Variants in CYB5D2 observed in about 807,000 individuals in gnomAD.
CYB5D2 encodes cytochrome b5 domain containing 2.
In CYB5D2, 23 loss-of-function variants were observed where a neutral mutation model predicts 22.8. That is an observed-to-expected ratio of 1.01 (90% confidence interval 0.73 to 1.43). CYB5D2 has a LOEUF of 1.43. CYB5D2 is among the 40% of genes most tolerant of loss of function. The pLI is 0.00. For missense variants in CYB5D2, 373 were observed against 357.2 expected (o/e 1.04, Z -0.36); for synonymous variants, 170 against 152.2 (o/e 1.12, Z -0.86).
chr17:4,144,102 C>G lies in CYB5D2; in HGVS notation c.250+97C>G, dbSNP rs1212673843. The G allele has an allele frequency of 7.5e-6, 11 of 1,462,758 alleles. No individual in the cohort carries two copies. In the East Asian group the frequency reaches 9.2e-5, roughly 12 times the overall value. 90.6% of individuals were successfully genotyped at this position (1,462,758 alleles called of 1,614,324 possible). ...GTTCATTATTCATCTATTTCCCCCC[C>G]CATCCCCACCCCACATCCATCAAAC... On this transcript the variant is annotated intron_variant, in intron 1 of 3. Coordinates refer to ENST00000301391, the MANE Select transcript of CYB5D2 (RefSeq NM_144611.4).
Position 4,143,734 on chromosome 17 carries a change from C to T in CYB5D2, c.-22C>T, listed in dbSNP as rs1266483245. 7 of 1,588,820 alleles carry T rather than the reference C, an allele frequency of 4.4e-6. No homozygotes were observed. Among genetic ancestry groups the T allele is most frequent in the East Asian group, 2.3e-5 (1 of 44,320 alleles). On this transcript the variant is annotated 5_prime_UTR_variant, in exon 1 of 4. Transcript: ENST00000301391. ...GATAGAGGCGGCAACCTCGGAAGTG[C>T]GGAGCGGGTGGGCCTATATAGATGT...
rs144481974 is a variant in CYB5D2 at position 4,150,104 on chromosome 17, A to C, written c.391+73A>C. 1.5e-4 allele frequency: 231 copies of C among 1,558,260 alleles called. 1 individual carries two copies. In the African/African-American group the frequency reaches 2.8e-3, roughly 19 times the overall value. On this transcript the variant is annotated intron_variant, in intron 2 of 3. Coordinates refer to ENST00000301391, the MANE Select transcript of CYB5D2 (RefSeq NM_144611.4). ...TTTAGGGGGCTGAGATTTTTTAGGG[A>C]TTGGGTTCAAGCTTAAAATCTGAAA... is the stretch of plus-strand genomic sequence containing the variant.
intron 2 of CYB5D2, among the ~76,000 whole-genome samples, chr17:4,153,458 C>T (rs1358957334): frequency 6.6e-6 from 1 of 152,304 alleles, no homozygotes; most frequent in East Asian, 1.9e-4. Context: ...GGTTACAGGG[C>T]CTTAGAGGCC....
At chr17:4,152,081 G>A (rs548020723) in intron 2 of CYB5D2, among the ~76,000 whole-genome samples, 33 of 152,270 alleles carry the variant, frequency 2.2e-4, no homozygotes, top group South Asian at 2.1e-3. Context: ...CTAAGATTTG[G>A]GAGCACACTG....
intron 1 of CYB5D2, 90 bp downstream of exon 1, chr17:4,144,095 T>C (rs984628140): frequency 2.1e-6 from 3 of 1,461,744 alleles, no homozygotes; most frequent in Admixed American, 2.3e-5. Context: ...TTCATCTATT[T>C]CCCCCCCCAT....
intron 2 of CYB5D2, among the ~76,000 whole-genome samples, chr17:4,152,312 T>C (rs2059067479): frequency 6.6e-6 from 1 of 152,202 alleles, no homozygotes; most frequent in Admixed American, 6.5e-5. Context: ...TAGCTCATTC[T>C]GTAGGATAGG....
At chr17:4,151,999 C>T (rs2059063710) in intron 2 of CYB5D2, among the ~76,000 whole-genome samples, 1 of 147,348 alleles carries the variant, frequency 6.8e-6, no homozygotes, top group Non-Finnish European at 1.5e-5. Context: ...GAGTGAGACC[C>T]TGTCTCAAAA....
In CYB5D2 at chr17:4,143,660, C is replaced by G. The variant is rs939605552; in HGVS notation, c.-96C>G. ...TAGCGCGCGAGAGAGAGAGCGAGAG[C>G]GCGCGCGCCGATGACGTCACGCTCG... On this transcript the variant is annotated 5_prime_UTR_variant, in exon 1 of 4. Coordinates refer to ENST00000301391, the MANE Select transcript of CYB5D2 (RefSeq NM_144611.4). 3.3e-6 allele frequency: 5 copies of G among 1,494,670 alleles called. No individual in the cohort carries two copies. The highest frequency in any genetic ancestry group is 4.5e-6 in the Non-Finnish European group (5 of 1,116,116). 92.6% of individuals were successfully genotyped at this position (1,494,670 alleles called of 1,614,324 possible). A position where few individuals can be genotyped will look rare whatever the true frequency, so the allele number is the denominator to read the frequency against.
chr17:4,147,696 A>G (rs2059007718), intron 1 of CYB5D2, among the ~76,000 whole-genome samples: 2 of 152,230 alleles, frequency 1.3e-5, no homozygotes, highest in South Asian at 4.1e-4. Flanking sequence ...TCTACTAAAA[A>G]TACAAAATTA....
intron 1 of CYB5D2, among the ~76,000 whole-genome samples, chr17:4,148,757 G>C (rs1350709902): frequency 6.6e-6 from 1 of 152,180 alleles, no homozygotes; most frequent in Non-Finnish European, 1.5e-5. Flanking sequence ...CCGTGAGGCA[G>C]AGGATGCAGT....
chr17:4,153,309 T>G (rs1352580526), intron 2 of CYB5D2, among the ~76,000 whole-genome samples: 1 of 149,848 alleles, frequency 6.7e-6, no homozygotes, highest in East Asian at 2.0e-4. Context: ...GAGAGTGTGC[T>G]GGGTCAGGGA....
chr17:4,156,195 C>T (rs79555385), intron 3 of CYB5D2, among the ~76,000 whole-genome samples: 11,569 of 152,342 alleles, frequency 0.076, 523 homozygotes, highest in South Asian at 0.15. Context: ...GCCTCTGAGT[C>T]CATCAGAGAC....
At position 4,154,712 on chromosome 17, in the gene CYB5D2, C is replaced by T; in HGVS notation, c.430C>T (p.Pro144Ser). ...ACGGTTCTACGGAGAGGATGGGCTG[C>T]CCACCCCGGCACTGACCCAGGTAGA... ...TGRFYGEDGL[P>S]TPALTQVEAA... Residue 144 changes from proline (P) to serine (S), a missense_variant, in exon 3 of 4, where the codon CCC becomes TCC. Transcript: ENST00000301391. The T allele has an allele frequency of 6.2e-7, 1 of 1,614,148 alleles. No individual in the cohort carries two copies. Among genetic ancestry groups the T allele is most frequent in the Non-Finnish European group, 8.5e-7 (1 of 1,180,018 alleles).
chr17:4,145,224 T>C (rs141633859), intron 1 of CYB5D2, among the ~76,000 whole-genome samples: 27 of 152,332 alleles, frequency 1.8e-4, no homozygotes, highest in African/African-American at 6.5e-4. Flanking sequence ...CACTTGTCAT[T>C]ATCTTAGGGG....
In CYB5D2 at chr17:4,143,598, A is replaced by G. The variant is rs1018884759; in HGVS notation, c.-158A>G. On this transcript the variant is annotated 5_prime_UTR_variant, in exon 1 of 4. Transcript: ENST00000301391. ...CTTTTCGCCAGTGCCAGGAATACAG[A>G]TAAAACGAGAGAGACTAAGGGAGGG... 3 of 1,066,276 alleles carry G rather than the reference A, an allele frequency of 2.8e-6. No homozygotes were observed. Among genetic ancestry groups the G allele is most frequent in the Non-Finnish European group, 4.0e-6 (3 of 750,538 alleles). The allele number at this position is 1,066,276 out of a possible 1,614,324, so 66.1% of individuals were successfully genotyped here.
rs753902168 is a variant in CYB5D2 at position 4,154,798 on chromosome 17, C to T, written c.516C>T (p.Phe172=). 7 of 1,614,194 alleles carry T rather than the reference C, an allele frequency of 4.3e-6. No individual in the cohort carries two copies. Among genetic ancestry groups the T allele is most frequent in the Non-Finnish European group, 5.9e-6 (7 of 1,180,036 alleles). ...NKLQLQEKQT[F]PPCNAEWSSA... ...TACAGCTGCAAGAGAAGCAGACATT[C>T]CCGCCGTGCAACGCGGAGTGGAGCT... The change falls in exon 3 of 4, where the codon TTC becomes TTT. Residue 172 remains phenylalanine, a synonymous_variant. Transcript: ENST00000301391.
Position 4,143,968 on chromosome 17 carries a change from G to A in CYB5D2, c.213G>A (p.Arg71=). 1.9e-6 allele frequency: 3 copies of A among 1,612,270 alleles called. No individual in the cohort carries two copies. Among genetic ancestry groups the A allele is most frequent in the Non-Finnish European group, 1.7e-6 (2 of 1,179,686 alleles). ...GRVYDVSSGR[R]HYEPGSHYSG... ...TCTACGATGTGTCCTCCGGCCGGAG[G>A]CACTACGAGCCTGGGTCCCACTATA... The change falls in exon 1 of 4, where the codon AGG becomes AGA. Residue 71 remains arginine (R), a synonymous_variant. Transcript: ENST00000301391.
At position 4,157,379 on chromosome 17, in the gene CYB5D2, ATTTCCACTTGAATT is replaced by A. The variant is rs1421626673; in HGVS notation, c.*299_*312del. On this transcript the variant is annotated 3_prime_UTR_variant, in exon 4 of 4. Transcript: ENST00000301391. The surrounding 1 kb of genome is among the most constrained non-coding windows in gnomAD (Gnocchi z 4.4). Reference sequence around the variant, plus strand: ...AACGGGCACAAATAAGACCAACTCAATTTCCACTTGAATTTACAACCAAAAGCCTGCTGAGTTGA... The same window carrying A: ...AACGGGCACAAATAAGACCAACTCAATACAACCAAAAGCCTGCTGAGTTGA... 2.2e-6 allele frequency: 1 copy of A among 463,816 alleles called. No homozygotes were observed. The highest frequency in any genetic ancestry group is 3.9e-6 in the Non-Finnish European group (1 of 253,774). The allele number at this position is 463,816 out of a possible 1,614,324, so 28.7% of individuals were successfully genotyped here. A position where few individuals can be genotyped will look rare whatever the true frequency, so the allele number is the denominator to read the frequency against.
intron 1 of CYB5D2, 112 bp from the exon 2 acceptor site, chr17:4,149,779 A>G (rs1488609436): frequency 2.9e-6 from 4 of 1,361,290 alleles, no homozygotes; most frequent in Non-Finnish European, 4.0e-6. Context: ...AGCCTGGGCA[A>G]CAGAGTGCGA....
Sources: gnomAD v4.1 joint callset for allele counts (sites outside exome capture counted in the v4.1 genomes callset) on GRCh38, gnomAD v4.1.1 for gene constraint, Gnocchi (gnomAD v3.1) non-coding constraint, MANE v1.5 for transcripts, NCBI Gene and HGNC (gene_info 2026-07-23, HGNC 2026-07-21) for gene names.